The following GALNT2 variants were observed in gnomAD, a reference collection of about 807,000 sequenced individuals.
GALNT2 encodes polypeptide N-acetylgalactosaminyltransferase 2.
GALNT2 carries 31 observed loss-of-function variants against 81.4 expected under a neutral mutation model. The ratio of observed to expected loss-of-function variants is 0.38; its 90% CI spans 0.29 to 0.51. The LOEUF is 0.51. Among genes scored for constraint, GALNT2 ranks in the 20% least tolerant of loss-of-function variants. The probability of loss-of-function intolerance (pLI) is 0.87; values close to 1 mark genes in which losing one functional copy is unlikely to be tolerated. For synonymous variants in GALNT2, 303 were observed against 287.4 expected (o/e 1.05, Z -0.55); for missense variants, 629 against 765.7 (o/e 0.82, Z 2.11).
chr1:230,266,004 C>T (rs142253241), intron 14 of GALNT2, among the ~76,000 whole-genome samples: 6,728 of 152,130 alleles, frequency 0.044, 194 homozygotes, highest in Non-Finnish European at 0.064. Flanking sequence ...CCAGCCTGGC[C>T]GACATGGTGA....
intron 1 of GALNT2, among the ~76,000 whole-genome samples, chr1:230,080,741 G>T (rs2102753135): frequency 6.6e-6 from 1 of 152,290 alleles, no homozygotes; most frequent in African/African-American, 2.4e-5. Context: ...AGTTAGCTCT[G>T]TGGCCTCAGG....
At chr1:230,077,233 G>C (rs1384150454) in intron 1 of GALNT2, among the ~76,000 whole-genome samples, 2 of 152,138 alleles carry the variant, frequency 1.3e-5, no homozygotes, top group African/African-American at 4.8e-5. Context: ...TAGATGTTGA[G>C]CTTTTGCTCT....
At chr1:230,079,259 T>G (rs1402137367) in intron 1 of GALNT2, among the ~76,000 whole-genome samples, 4 of 152,282 alleles carry the variant, frequency 2.6e-5, no homozygotes, top group Non-Finnish European at 5.9e-5. Flanking sequence ...CTGTAAGGTA[T>G]AATTCCTGGT....
At chr1:230,082,813 A>T (rs1338679955) in intron 1 of GALNT2, among the ~76,000 whole-genome samples, 1 of 152,164 alleles carries the variant, frequency 6.6e-6, no homozygotes, top group Non-Finnish European at 1.5e-5. Flanking sequence ...GGGATCCAGG[A>T]TGATAGAGCA....
At chr1:230,115,403 TCA>T (rs1434774156) in intron 1 of GALNT2, among the ~76,000 whole-genome samples, 2 of 152,192 alleles carry the variant, frequency 1.3e-5, no homozygotes, top group Admixed American at 1.3e-4. Flanking sequence ...GTAAAGCAAG[TCA>T]CACACAGTTT....
upstream of GALNT2, among the ~76,000 whole-genome samples, chr1:230,065,669 GTTTTC>G (rs758726211): frequency 1.8e-4 from 27 of 152,304 alleles, no homozygotes; most frequent in Non-Finnish European, 3.1e-4. Flanking sequence ...GTTCAAGAGT[GTTTTC>G]TTTTATCTGT....
At chr1:230,273,963 A>G (rs1413889180) in intron 14 of GALNT2, among the ~76,000 whole-genome samples, 2 of 152,228 alleles carry the variant, frequency 1.3e-5, no homozygotes, top group Non-Finnish European at 2.9e-5. Flanking sequence ...TTACATATGC[A>G]ATGTGTTATT....
At chr1:230,214,557 G>A (rs1489784964) in intron 3 of GALNT2, among the ~76,000 whole-genome samples, 1 of 152,122 alleles carries the variant, frequency 6.6e-6, no homozygotes, top group Non-Finnish European at 1.5e-5. Context: ...TCTTTTTGAA[G>A]ACATTTGACT....
chr1:230,228,980 A>T (rs893371164), intron 3 of GALNT2, among the ~76,000 whole-genome samples: 1 of 152,224 alleles, frequency 6.6e-6, no homozygotes, highest in African/African-American at 2.4e-5. Context: ...TTTATGAAGG[A>T]TATATAACCT....
At chr1:230,200,500 C>T (rs1162635673) in intron 2 of GALNT2, among the ~76,000 whole-genome samples, 3 of 152,214 alleles carry the variant, frequency 2.0e-5, no homozygotes, top group African/African-American at 7.2e-5. Flanking sequence ...ACCTAGTATG[C>T]ACCGCAGGCC....
intron 13 of GALNT2, chr1:230,265,005 A>T: frequency 2.5e-6 from 1 of 405,492 alleles, no homozygotes; most frequent in Non-Finnish European, 4.5e-6. Context: ...GACCTGATAT[A>T]GAATATAAAG....
chr1:230,274,511 G>T lies in GALNT2; in HGVS notation c.1507G>T (p.Ala503Ser), dbSNP rs780690390. The change falls in exon 15 of 16, where the codon GCA becomes TCA. Residue 503 changes from alanine to serine, a missense_variant. Around this residue, in one of 3 missense-constraint regions of GALNT2, gnomAD observed 207 missense variants for 225.5 expected, o/e 0.92. Transcript: ENST00000366672. ...MDLCLTVVDR[A>S]PGSLIKLQGC... ...TTTGTGCCTTACTGTGGTGGACCGG[G>T]CACCGGGCTCTCTTATAAAGCTGCA... is the stretch of plus-strand genomic sequence containing the variant. 3.7e-6 allele frequency: 6 copies of T among 1,614,034 alleles called. No individual in the cohort carries two copies. Among genetic ancestry groups the T allele is most frequent in the Middle Eastern group, 1.7e-4 (1 of 6,056 alleles).
At chr1:230,143,805 G>C (rs1661827016) in intron 1 of GALNT2, among the ~76,000 whole-genome samples, 1 of 152,236 alleles carries the variant, frequency 6.6e-6, no homozygotes, top group Non-Finnish European at 1.5e-5. Context: ...AGCTGTGACA[G>C]GCAGAATTTA....
At chr1:230,252,257 G>A (rs1315822427) in intron 10 of GALNT2, among the ~76,000 whole-genome samples, 1 of 152,192 alleles carries the variant, frequency 6.6e-6, no homozygotes, top group Non-Finnish European at 1.5e-5. Flanking sequence ...CATTGGGAGA[G>A]GTGTATGGTG....
intron 1 of GALNT2, among the ~76,000 whole-genome samples, chr1:230,082,687 C>T (rs1659771341): frequency 6.6e-6 from 1 of 152,256 alleles, no homozygotes; most frequent in African/African-American, 2.4e-5. Context: ...GGCATTGCCC[C>T]TGCTCATAGG....
chr1:230,140,613 C>G (rs533787146), intron 1 of GALNT2, among the ~76,000 whole-genome samples: 1 of 152,360 alleles, frequency 6.6e-6, no homozygotes, highest in South Asian at 2.1e-4. Flanking sequence ...GAGTGACGCG[C>G]TGCCACAGCT....
intron 1 of GALNT2, among the ~76,000 whole-genome samples, chr1:230,130,584 G>A (rs897627609): frequency 5.9e-5 from 9 of 152,176 alleles, no homozygotes; most frequent in African/African-American, 9.7e-5. Context: ...CAGGAACACC[G>A]GGCCCTGGGG....
chr1:230,080,834 A>G (rs183728410), intron 1 of GALNT2, among the ~76,000 whole-genome samples: 194 of 152,350 alleles, frequency 1.3e-3, no homozygotes, highest in African/African-American at 4.5e-3. Context: ...TAGTTTATGT[A>G]AAATGCTCAG....
At chr1:230,075,689 G>T (rs1291876953) in intron 1 of GALNT2, among the ~76,000 whole-genome samples, 3 of 152,196 alleles carry the variant, frequency 2.0e-5, no homozygotes, top group Non-Finnish European at 4.4e-5. Flanking sequence ...CTAGTGGGGG[G>T]CTGCGGGGAG....
Sources: allele counts gnomAD v4.1 joint callset (sites outside exome capture counted in the v4.1 genomes callset), GRCh38; gene constraint gnomAD v4.1.1; regional missense constraint gnomAD v4.1.1; transcripts MANE v1.5; gene names NCBI Gene and HGNC (gene_info 2026-07-23, HGNC 2026-07-21).